The following BAHCC1 variants were observed in gnomAD, a reference collection of about 807,000 sequenced individuals.
BAHCC1 encodes BAH and coiled-coil domain-containing protein 1.
BAHCC1 carries 43 observed loss-of-function variants against 88.2 expected under a neutral mutation model. The observed-to-expected ratio is 0.49, with a 90% CI of 0.38 to 0.63. The LOEUF (loss-of-function observed/expected upper bound fraction) is 0.63, where lower values mean the gene tolerates loss of function less well. Ranked by LOEUF, BAHCC1 falls within the 20% of genes least tolerant of loss-of-function variation. BAHCC1 has a pLI of 0.00. For synonymous variants in BAHCC1, 1,510 were observed against 745.5 expected (o/e 2.03, Z -16.71); for missense variants, 3,023 against 1,654.8 (o/e 1.83, Z -14.34).
intron 27 of BAHCC1, 21 bp from the exon 28 acceptor site, chr17:81,463,590 C>A: frequency 1.3e-6 from 1 of 778,802 alleles, no homozygotes; most frequent in Non-Finnish European, 2.4e-6. Flanking sequence ...GCCACTGATG[C>A]CCCGCGCGCC....
Position 81,451,777 on chromosome 17 carries a change from G to A in BAHCC1, c.4086G>A (p.Gln1362=). Residue 1362 remains glutamine, a synonymous_variant, in exon 12 of 28, where the codon CAG becomes CAA. Coordinates refer to ENST00000675386, the MANE Select transcript of BAHCC1 (RefSeq NM_001377448.1). ...TGGACAGCTCCACTGCCCCAGCGCAGCCGCCCACAGCCAACCCCTGCAGCG... is the reference window on the plus strand; with the variant it reads ...TGGACAGCTCCACTGCCCCAGCGCAACCGCCCACAGCCAACCCCTGCAGCG... ...AGLDSSTAPA[Q]PPTANPCSGP... The A allele has an allele frequency of 1.3e-6, 1 of 767,398 alleles. No individual in the cohort carries two copies. 47.5% of individuals were successfully genotyped at this position (767,398 alleles called of 1,614,324 possible). A position where few individuals can be genotyped will look rare whatever the true frequency, so the allele number is the denominator to read the frequency against.
Position 81,414,544 on chromosome 17 carries a change from CA to C in BAHCC1, c.179-12255del, listed in dbSNP as rs563145182. On this transcript the variant is annotated intron_variant, in intron 2 of 27. Transcript: ENST00000675386. ...CCATCCCAGAGGTCCCTGCCTGAGCCACCCACCTCGCCCGCTCCCCTGCAGA... is the reference window on the plus strand; with the variant it reads ...CCATCCCAGAGGTCCCTGCCTGAGCCCCCACCTCGCCCGCTCCCCTGCAGA... Among the ~76,000 whole-genome samples, 7 of 152,350 alleles carry C rather than the reference CA, an allele frequency of 4.6e-5. No homozygotes were observed. In the East Asian group the frequency reaches 1.4e-3, roughly 29 times the overall value.
chr17:81,458,024 G>A (rs1241957145), intron 17 of BAHCC1, 141 bp from the exon 18 acceptor site: 2 of 615,596 alleles, frequency 3.2e-6, no homozygotes, highest in Non-Finnish European at 5.8e-6. Flanking sequence ...GTAACCAGGA[G>A]GGGGAGGGCA....
At position 81,447,358 on chromosome 17, in the gene BAHCC1, C is replaced by A. The variant is rs1555654795; in HGVS notation, c.3486C>A (p.Leu1162=). 1 of 741,836 alleles carries A rather than the reference C, an allele frequency of 1.3e-6. No individual in the cohort carries two copies. The highest frequency in any genetic ancestry group is 1.7e-5 in the African/African-American group (1 of 58,372). The allele number at this position is 741,836 out of a possible 1,614,324, so 46.0% of individuals were successfully genotyped here. The change falls in exon 11 of 28, where the codon CTC becomes CTA. Residue 1162 remains leucine (L), a synonymous_variant. Transcript: ENST00000675386. ...EGLQELQCAA[L]LEAGGPEATG... ...TACAAGAACTGCAATGTGCGGCCCTCCTGGAGGCAGGGGGCCCCGAGGCCA... is the reference window on the plus strand; with the variant it reads ...TACAAGAACTGCAATGTGCGGCCCTACTGGAGGCAGGGGGCCCCGAGGCCA...
At chr17:81,417,135 T>G (rs1555648844) in intron 2 of BAHCC1, among the ~76,000 whole-genome samples, 1 of 151,954 alleles carries the variant, frequency 6.6e-6, no homozygotes, top group Non-Finnish European at 1.5e-5. Flanking sequence ...CAGGGTGGAT[T>G]CCTGGGCTGG....
At chr17:81,405,651 G>A (rs1027037530) in intron 2 of BAHCC1, among the ~76,000 whole-genome samples, 3 of 152,214 alleles carry the variant, frequency 2.0e-5, no homozygotes, top group Admixed American at 2.0e-4. Flanking sequence ...AGCCAGTGCC[G>A]CTGGGAATAA....
intron 4 of BAHCC1, 22 bp downstream of exon 4, chr17:81,438,514 C>T (rs782801831): frequency 4.0e-6 from 3 of 757,584 alleles, no homozygotes; most frequent in East Asian, 5.0e-5. Flanking sequence ...ATGGGACCGG[C>T]GTGGGGAGCA....
chr17:81,412,923 C>T (rs757498646), intron 2 of BAHCC1, among the ~76,000 whole-genome samples: 18 of 152,294 alleles, frequency 1.2e-4, no homozygotes, highest in Non-Finnish European at 2.2e-4. Flanking sequence ...GGAGTGTTGC[C>T]GGCTGCTGGC....
At chr17:81,425,021 G>T (rs2064160222) in intron 2 of BAHCC1, among the ~76,000 whole-genome samples, 2 of 148,416 alleles carry the variant, frequency 1.3e-5, no homozygotes, top group African/African-American at 2.5e-5. Context: ...GGTTGGTGAT[G>T]ATGTGGTTGG....
intron 4 of BAHCC1, among the ~76,000 whole-genome samples, chr17:81,440,964 G>A (rs888637029): frequency 3.9e-5 from 6 of 152,208 alleles, no homozygotes; most frequent in Admixed American, 2.6e-4. Context: ...CTCTGGGGGC[G>A]CCAGGAGCTG....
chr17:81,460,414 ACGGGGCAGGGC>A lies in BAHCC1; in HGVS notation c.6025+20_6025+30del, dbSNP rs2030143399. ...GATCCAGTGTGAGCCTGGGAGCTGCACGGGGCAGGGCCCTGCCTGGGCTCCACTGTGTCCAG... is the reference window on the plus strand; with the variant it reads ...GATCCAGTGTGAGCCTGGGAGCTGCACCTGCCTGGGCTCCACTGTGTCCAG... On this transcript the variant is annotated intron_variant, in intron 24 of 27. Transcript: ENST00000675386. The A allele has an allele frequency of 1.3e-6, 1 of 749,198 alleles. No individual in the cohort carries two copies. 46.4% of individuals were successfully genotyped at this position (749,198 alleles called of 1,614,324 possible).
chr17:81,415,139 G>C (rs994204973), intron 2 of BAHCC1, among the ~76,000 whole-genome samples: 3 of 152,236 alleles, frequency 2.0e-5, no homozygotes, highest in Admixed American at 2.0e-4. Context: ...GGGAGCTGGA[G>C]GAGGGCACCT....
Position 81,399,592 on chromosome 17 carries a change from G to A in BAHCC1, c.-148G>A. ...GCGCGGCCGCCCGCCGAGAAGCCCAGTCCTCCCGCGTGCTGACCGGCCCCG... is the reference window on the plus strand; with the variant it reads ...GCGCGGCCGCCCGCCGAGAAGCCCAATCCTCCCGCGTGCTGACCGGCCCCG... On this transcript the variant is annotated 5_prime_UTR_variant, in exon 2 of 28. Transcript: ENST00000675386. This position sits in a 1 kb window ranked among gnomAD's most constrained non-coding sequence, Gnocchi z 4.5. The A allele has an allele frequency of 2.1e-6, 1 of 486,540 alleles. No individual in the cohort carries two copies. Among genetic ancestry groups the A allele is most frequent in the Non-Finnish European group, 3.4e-6 (1 of 290,954 alleles). The allele number at this position is 486,540 out of a possible 1,614,324, so 30.1% of individuals were successfully genotyped here. A position where few individuals can be genotyped will look rare whatever the true frequency, so the allele number is the denominator to read the frequency against.
chr17:81,452,751 C>A lies in BAHCC1; in HGVS notation c.4345C>A (p.Arg1449=). 1.3e-6 allele frequency: 1 copy of A among 750,792 alleles called. No homozygotes were observed. 46.5% of individuals were successfully genotyped at this position (750,792 alleles called of 1,614,324 possible). Residue 1449 remains arginine, a synonymous_variant, in exon 14 of 28, where the codon CGG becomes AGG. Coordinates refer to ENST00000675386, the MANE Select transcript of BAHCC1 (RefSeq NM_001377448.1). ...AGACGAGAGTTCACGGAGCCCTGCA[C>A]GGCGGGGGCCTGGCCGGCCGAGGAA... ...ERDESSRSPA[R]RGPGRPRKRK...
Position 81,399,633 on chromosome 17 carries a change from G to A in BAHCC1, c.-107G>A. On this transcript the variant is annotated 5_prime_UTR_variant, in exon 2 of 28. It adds an upstream start codon to the 5' untranslated region. Transcript: ENST00000675386. This position sits in a 1 kb window ranked among gnomAD's most constrained non-coding sequence, Gnocchi z 4.5. The stretch of plus-strand genomic sequence containing the variant: ...ACCGGCCCCGCCGCCACCACCGCCT[G>A]TGACCCCGGACGCCGCCGCCTCTGC... The A allele has an allele frequency of 1.3e-6, 1 of 769,180 alleles. No homozygotes were observed. Among genetic ancestry groups the A allele is most frequent in the Non-Finnish European group, 1.7e-6 (1 of 582,732 alleles). The allele number at this position is 769,180 out of a possible 1,614,324, so 47.6% of individuals were successfully genotyped here.
intron 4 of BAHCC1, among the ~76,000 whole-genome samples, chr17:81,441,458 C>T (rs56031933): frequency 0.034 from 5,140 of 152,162 alleles, 105 homozygotes; most frequent in Middle Eastern, 0.095. Context: ...GTCAGGAGAT[C>T]GAGACCATCC....
rs2064207868 is a variant in BAHCC1, at chr17:81,426,983, A to G, written c.358+4A>G. On this transcript the variant is annotated splice_donor_region_variant and intron_variant, in intron 3 of 27. Coordinates refer to ENST00000675386, the MANE Select transcript of BAHCC1 (RefSeq NM_001377448.1). ...TGGTTCTCCCACTCCCACGAAGGTA[A>G]GTTGGCGGACTGGGCTCCCAGCGAC... 2.5e-6 allele frequency: 1 copy of G among 398,368 alleles called. No individual in the cohort carries two copies. The highest frequency in any genetic ancestry group is 1.3e-4 in the South Asian group (1 of 7,860). The allele number at this position is 398,368 out of a possible 1,614,324, so 24.7% of individuals were successfully genotyped here.
chr17:81,455,776 TGTG>T (rs1351748818), intron 15 of BAHCC1, among the ~76,000 whole-genome samples: 1 of 151,398 alleles, frequency 6.6e-6, no homozygotes, highest in African/African-American at 2.4e-5. Flanking sequence ...TTCTTCTTGG[TGTG>T]GGGGGGCTCC....
At chr17:81,454,805 C>T (rs1173090414) in intron 14 of BAHCC1, among the ~76,000 whole-genome samples, 1 of 152,008 alleles carries the variant, frequency 6.6e-6, no homozygotes, top group East Asian at 1.9e-4. Flanking sequence ...CAGCCCCACT[C>T]AGGCCCCAGT....
Sources: gnomAD v4.1 joint callset for allele counts (sites outside exome capture counted in the v4.1 genomes callset) on GRCh38, gnomAD v4.1.1 for gene constraint, Gnocchi (gnomAD v3.1) non-coding constraint, MANE v1.5 for transcripts, NCBI Gene and HGNC (gene_info 2026-07-23, HGNC 2026-07-21) for gene names.